COL22A1: variants seen among roughly 807,000 people sequenced by gnomAD.
The protein encoded by COL22A1 is collagen alpha-1(XXII) chain.
In COL22A1, 221 loss-of-function variants were observed where a neutral mutation model predicts 248.9. The observed-to-expected ratio is 0.89, with a 90% CI of 0.80 to 0.99. COL22A1 has a LOEUF of 0.99. Ranked by LOEUF, COL22A1 falls within the 50% of genes least tolerant of loss-of-function variation. COL22A1 has a pLI of 0.00. For missense variants in COL22A1, 2,240 were observed against 2,179.0 expected (o/e 1.03, Z -0.56); for synonymous variants, 891 against 793.4 (o/e 1.12, Z -2.07).
chr8:138,677,873 G>A (rs1825685821), intron 40 of COL22A1, among the ~76,000 whole-genome samples: 1 of 152,218 alleles, frequency 6.6e-6, no homozygotes, highest in East Asian at 1.9e-4. Flanking sequence ...TCTTGCTCAA[G>A]CCACTTAATA....
intron 46 of COL22A1, among the ~76,000 whole-genome samples, chr8:138,648,222 G>T (rs1822379251): frequency 2.0e-5 from 3 of 152,142 alleles, no homozygotes; most frequent in Admixed American, 2.0e-4. Context: ...AGTGTATGGA[G>T]AAATTTCGAG....
intron 41 of COL22A1, 28 bp from the exon 42 acceptor site, chr8:138,663,768 CA>C: frequency 6.3e-7 from 1 of 1,585,864 alleles, no homozygotes; most frequent in Non-Finnish European, 8.7e-7. Flanking sequence ...AGTATGTAAG[CA>C]AAGTAGAAAT....
chr8:138,802,776 T>G (rs543678361), intron 11 of COL22A1, 96 bp downstream of exon 11: 1 of 946,070 alleles, frequency 1.1e-6, no homozygotes, highest in African/African-American at 1.6e-5. Flanking sequence ...TGCCAGGTAT[T>G]CAGCCCACAC....
intron 45 of COL22A1, among the ~76,000 whole-genome samples, chr8:138,650,733 C>G (rs1022605368): frequency 1.3e-5 from 2 of 151,752 alleles, no homozygotes; most frequent in East Asian, 1.9e-4. Context: ...TAGACAGATA[C>G]ACAGATACAT....
intron 7 of COL22A1, among the ~76,000 whole-genome samples, chr8:138,816,682 G>A (rs1818712969): frequency 1.3e-5 from 2 of 152,204 alleles, no homozygotes; most frequent in South Asian, 4.1e-4. Context: ...TCACAGGGCT[G>A]TGGTGGGAAC....
Position 138,838,176 on chromosome 8 carries a change from A to T in COL22A1, c.734-5026T>A, listed in dbSNP as rs991228744. Among the ~76,000 whole-genome samples the T allele has an allele frequency of 2.6e-5, 4 of 152,116 alleles. 1 individual carries two copies. The highest frequency in any genetic ancestry group is 9.7e-5 in the African/African-American group (4 of 41,424). On this transcript the variant is annotated intron_variant, in intron 4 of 64. Coordinates refer to ENST00000303045, the MANE Select transcript of COL22A1 (RefSeq NM_152888.3). Reference sequence around the variant, plus strand: ...TTTGGGGCAATTTCTCAGCCCCTTAAGCCCCCATTTGTCATCTGTGCAAAG... The same window carrying T: ...TTTGGGGCAATTTCTCAGCCCCTTATGCCCCCATTTGTCATCTGTGCAAAG...
At chr8:138,673,815 A>G (rs1825266655) in intron 41 of COL22A1, among the ~76,000 whole-genome samples, 1 of 151,970 alleles carries the variant, frequency 6.6e-6, no homozygotes, top group South Asian at 2.1e-4. Flanking sequence ...GGCTTTCTTT[A>G]GCTACAGGTG....
chr8:138,799,172 C>T (rs987317338), intron 11 of COL22A1, among the ~76,000 whole-genome samples: 19 of 152,076 alleles, frequency 1.2e-4, no homozygotes, highest in Admixed American at 8.5e-4. Flanking sequence ...TTTATAATTT[C>T]TAACTCTTTA....
chr8:138,660,064 G>A (rs1214727229), intron 44 of COL22A1, among the ~76,000 whole-genome samples: 1 of 152,196 alleles, frequency 6.6e-6, no homozygotes, highest in African/African-American at 2.4e-5. Flanking sequence ...GGGCTGGCTT[G>A]CCTGCTGGCC....
intron 30 of COL22A1, among the ~76,000 whole-genome samples, chr8:138,709,706 C>T (rs2131042713): frequency 6.6e-6 from 1 of 152,170 alleles, no homozygotes; most frequent in South Asian, 2.1e-4. Context: ...TTAATGGTGG[C>T]AGCACACCAA....
At chr8:138,636,277 G>A (rs1220887518) in intron 48 of COL22A1, among the ~76,000 whole-genome samples, 1 of 151,838 alleles carries the variant, frequency 6.6e-6, no homozygotes, top group Non-Finnish European at 1.5e-5. Flanking sequence ...CACATTAGGA[G>A]CAGTGGTCCA....
At position 138,778,873 on chromosome 8, in the gene COL22A1, GCAGACCTGGAGGTA is replaced by G. The variant is rs1023502982; in HGVS notation, c.1705-481_1705-468del. On this transcript the variant is annotated intron_variant, in intron 14 of 64. Coordinates refer to ENST00000303045, the MANE Select transcript of COL22A1 (RefSeq NM_152888.3). ...GTCCTGACAAAGAGCTCAGAAGTCT[GCAGACCTGGAGGTA>G]CCTCTGCTAACCAGACCATGAAGTG... Among the ~76,000 whole-genome samples the G allele has an allele frequency of 7.2e-4, 110 of 152,306 alleles. 1 individual carries two copies. The highest frequency in any genetic ancestry group is 2.6e-3 in the African/African-American group (108 of 41,572).
At chr8:138,722,563 C>T (rs1829954934) in intron 25 of COL22A1, among the ~76,000 whole-genome samples, 1 of 152,204 alleles carries the variant, frequency 6.6e-6, no homozygotes, top group Non-Finnish European at 1.5e-5. Flanking sequence ...TTTGGCATTA[C>T]TGCCTGTTAT....
chr8:138,814,187 G>A (rs1818485670), intron 7 of COL22A1, among the ~76,000 whole-genome samples: 1 of 152,146 alleles, frequency 6.6e-6, no homozygotes, highest in African/African-American at 2.4e-5. Context: ...TAACCACATG[G>A]CAAACCACAC....
At chr8:138,723,738 G>A (rs543565897) in intron 25 of COL22A1, among the ~76,000 whole-genome samples, 11 of 152,326 alleles carry the variant, frequency 7.2e-5, no homozygotes, top group South Asian at 2.1e-4. Flanking sequence ...TGCCCAGCGC[G>A]GCACTGAATT....
chr8:138,656,080 C>T lies in COL22A1; in HGVS notation c.3286-136G>A, dbSNP rs927444483. ...TGCGCCGTGCGTGGGATACGGACAG[C>T]CCAGTGGATGTCCCAAGCCTGGGAG... On this transcript the variant is annotated intron_variant, in intron 44 of 64. Coordinates refer to ENST00000303045, the MANE Select transcript of COL22A1 (RefSeq NM_152888.3). 7 of 700,440 alleles carry T rather than the reference C, an allele frequency of 1.0e-5. No homozygotes were observed. In the South Asian group the frequency reaches 1.0e-4, roughly 10 times the overall value. The allele number at this position is 700,440 out of a possible 1,614,324, so 43.4% of individuals were successfully genotyped here. A position where few individuals can be genotyped will look rare whatever the true frequency, so the allele number is the denominator to read the frequency against.
chr8:138,735,416 C>T (rs1035902017), intron 23 of COL22A1, among the ~76,000 whole-genome samples: 3 of 152,130 alleles, frequency 2.0e-5, no homozygotes, highest in African/African-American at 4.8e-5. Flanking sequence ...ATCTATAGCA[C>T]ACAGCTCAAT....
chr8:138,666,602 C>A (rs958755557), intron 41 of COL22A1, among the ~76,000 whole-genome samples: 2 of 152,044 alleles, frequency 1.3e-5, no homozygotes, highest in Non-Finnish European at 2.9e-5. Context: ...TGCACATGGA[C>A]CACCATACCT....
rs575369427 is a variant in COL22A1, at chr8:138,760,372, G to A, written c.1858-85C>T. The stretch of plus-strand genomic sequence containing the variant: ...TTGGGGAGAAACAGGTTGAAAGACA[G>A]CTGCCCACTGTGGCTAGACTTTTCT... On this transcript the variant is annotated intron_variant, in intron 17 of 64. Transcript: ENST00000303045. The A allele has an allele frequency of 8.4e-4, 1,065 of 1,270,240 alleles. 1 individual carries two copies. The highest frequency in any genetic ancestry group is 8.0e-4 in the Non-Finnish European group (731 of 914,206). 78.7% of individuals were successfully genotyped at this position (1,270,240 alleles called of 1,614,324 possible). A position where few individuals can be genotyped will look rare whatever the true frequency, so the allele number is the denominator to read the frequency against.
Sources: allele counts gnomAD v4.1 joint callset (sites outside exome capture counted in the v4.1 genomes callset), GRCh38; gene constraint gnomAD v4.1.1; transcripts MANE v1.5; gene names NCBI Gene and HGNC (gene_info 2026-07-23, HGNC 2026-07-21).